Variants in RORA observed in about 807,000 individuals in gnomAD.
RORA encodes RAR related orphan receptor A.
RORA carries 7 observed loss-of-function variants against 69.5 expected under a neutral mutation model. The ratio of observed to expected loss-of-function variants is 0.10; its 90% CI spans 0.06 to 0.19. The LOEUF is 0.19. Ranked by LOEUF, RORA falls within the 10% of genes least tolerant of loss-of-function variation. The pLI is 1.00. For synonymous variants in RORA, 261 were observed against 240.8 expected (o/e 1.08, Z -0.78); for missense variants, 457 against 663.0 (o/e 0.69, Z 3.41).
rs75649823 is a variant in RORA at position 61,103,122 on chromosome 15, G to A, written c.166+125931C>T. On this transcript the variant is annotated intron_variant, in intron 1 of 10. Coordinates refer to ENST00000335670, the MANE Select transcript of RORA (RefSeq NM_134261.3). ...CTTATTTTAGGTGGGTAACTCAAGC[G>A]CAGTGTGCTCTGGAGTATGAGAGAA... 3.9e-3 allele frequency among the ~76,000 whole-genome samples: 591 copies of A among 152,236 alleles called. 5 individuals carry two copies. The highest frequency in any genetic ancestry group is 0.014 in the African/African-American group (575 of 41,544).
chr15:61,123,679 A>G (rs2079121121), intron 1 of RORA, among the ~76,000 whole-genome samples: 1 of 152,066 alleles, frequency 6.6e-6, no homozygotes, highest in South Asian at 2.1e-4. Flanking sequence ...GGGCACTGGG[A>G]TTTTTTAACT....
intron 1 of RORA, among the ~76,000 whole-genome samples, chr15:61,088,596 A>C (rs2078659147): frequency 6.6e-6 from 1 of 152,186 alleles, no homozygotes; most frequent in African/African-American, 2.4e-5. Context: ...ACCTCAAGTA[A>C]CTTGCCAAAT....
intron 1 of RORA, among the ~76,000 whole-genome samples, chr15:61,031,387 T>C (rs1896159994): frequency 6.6e-6 from 1 of 152,196 alleles, no homozygotes; most frequent in Non-Finnish European, 1.5e-5. Context: ...ATTTCTTTTC[T>C]ATTATATACC....
intron 1 of RORA, among the ~76,000 whole-genome samples, chr15:61,158,598 A>G (rs150744199): frequency 9.5e-4 from 144 of 152,278 alleles, no homozygotes; most frequent in African/African-American, 3.4e-3. Context: ...TAGATTCTTT[A>G]CAAGTGTCCA....
At chr15:60,691,258 C>G (rs1204804853) in intron 1 of RORA, among the ~76,000 whole-genome samples, 3 of 152,166 alleles carry the variant, frequency 2.0e-5, no homozygotes, top group Non-Finnish European at 4.4e-5. Flanking sequence ...CTCCCTGCCC[C>G]CCTCTCCATT....
intron 1 of RORA, among the ~76,000 whole-genome samples, chr15:61,223,314 CAAAAAAAAAAA>C (rs10685041): frequency 2.1e-5 from 2 of 96,242 alleles, no homozygotes; most frequent in East Asian, 3.2e-4. Context: ...GACTCTGTCT[CAAAAAAAAAAA>C]AAAAAAAAAA....
Position 61,120,494 on chromosome 15 carries a change from T to TCGAGACCACCCTGGCTAACA in RORA, c.166+108539_166+108558dup, listed in dbSNP as rs2079092505. Among the ~76,000 whole-genome samples, 4 of 151,800 alleles carry TCGAGACCACCCTGGCTAACA rather than the reference T, an allele frequency of 2.6e-5. No individual in the cohort carries two copies. The East Asian group carries it at 7.8e-4, about 30-fold the overall frequency. ...GCGGGCGGATCACAACTTCAGGAGA[T>TCGAGACCACCCTGGCTAACA]CGAGACCACCCTGGCTAACACGATG... On this transcript the variant is annotated intron_variant, in intron 1 of 10. Coordinates refer to ENST00000335670, the MANE Select transcript of RORA (RefSeq NM_134261.3).
At position 61,128,344 on chromosome 15, in the gene RORA, A is replaced by T. The variant is rs1474806037; in HGVS notation, c.166+100709T>A. ...TAAACTGCAAATACAGAAAGAAAAAAAAAATCTAAACAGTATATAAACTTA... is the reference window on the plus strand; with the variant it reads ...TAAACTGCAAATACAGAAAGAAAAATAAAATCTAAACAGTATATAAACTTA... On this transcript the variant is annotated intron_variant, in intron 1 of 10. Coordinates refer to ENST00000335670, the MANE Select transcript of RORA (RefSeq NM_134261.3). The surrounding 1 kb of genome is among the most constrained non-coding windows in gnomAD (Gnocchi z 4.5). Among the ~76,000 whole-genome samples, 2 of 152,212 alleles carry T rather than the reference A, an allele frequency of 1.3e-5. No homozygotes were observed. Among genetic ancestry groups the T allele is most frequent in the Non-Finnish European group, 2.9e-5 (2 of 68,032 alleles).
chr15:60,713,151 C>T (rs889989457), intron 1 of RORA, among the ~76,000 whole-genome samples: 6 of 152,084 alleles, frequency 3.9e-5, no homozygotes, highest in Non-Finnish European at 8.8e-5. Flanking sequence ...TAATCTTCTT[C>T]CAAAAGAAAA....
intron 2 of RORA, among the ~76,000 whole-genome samples, chr15:60,586,435 C>T (rs2068336413): frequency 6.6e-6 from 1 of 151,794 alleles, no homozygotes; most frequent in Non-Finnish European, 1.5e-5. Context: ...AGAGGGACAG[C>T]AGATATTACG....
intron 1 of RORA, among the ~76,000 whole-genome samples, chr15:60,860,654 G>A (rs1405222577): frequency 3.9e-5 from 6 of 152,270 alleles, no homozygotes; most frequent in East Asian, 1.9e-4. Flanking sequence ...AGCCTTATTC[G>A]CTAAATTCCC....
At chr15:60,632,245 A>G (rs1044835757) in intron 2 of RORA, among the ~76,000 whole-genome samples, 2 of 151,924 alleles carry the variant, frequency 1.3e-5, no homozygotes, top group Non-Finnish European at 2.9e-5. Flanking sequence ...AGCTGGGACT[A>G]CAGGAACCTG....
At chr15:61,048,691 C>T (rs981876139) in intron 1 of RORA, among the ~76,000 whole-genome samples, 3 of 152,156 alleles carry the variant, frequency 2.0e-5, no homozygotes, top group Non-Finnish European at 4.4e-5. Context: ...TCGAGTCCAA[C>T]AGGACCCATA....
intron 2 of RORA, among the ~76,000 whole-genome samples, chr15:60,542,709 C>A (rs946456835): frequency 6.7e-6 from 1 of 149,872 alleles, no homozygotes; most frequent in African/African-American, 2.5e-5. Context: ...CACGGGCACA[C>A]CTCCCACACA....
At chr15:61,138,158 A>AGGT (rs1267492077) in intron 1 of RORA, among the ~76,000 whole-genome samples, 3 of 152,190 alleles carry the variant, frequency 2.0e-5, no homozygotes, top group Non-Finnish European at 4.4e-5. Context: ...ATGAGAACAA[A>AGGT]GGTGGTAGTT....
chr15:60,735,910 C>T (rs2071491220), intron 1 of RORA, among the ~76,000 whole-genome samples: 1 of 152,226 alleles, frequency 6.6e-6, no homozygotes, highest in Admixed American at 6.5e-5. Flanking sequence ...ATTGACTTGA[C>T]TGGCCAAGCC....
At chr15:60,896,732 C>CT (rs66780614) in intron 1 of RORA, among the ~76,000 whole-genome samples, 4,334 of 117,046 alleles carry the variant, frequency 0.037, 121 homozygotes, top group East Asian at 0.079. Context: ...GAGAATTTAG[C>CT]TTTTTTTTTT....
In RORA at chr15:60,520,653, G is replaced by C. The variant is rs563246363; in HGVS notation, c.283-5896C>G. Among the ~76,000 whole-genome samples the C allele has an allele frequency of 1.4e-3, 212 of 152,208 alleles. 1 individual carries two copies. Among genetic ancestry groups the C allele is most frequent in the Middle Eastern group, 6.8e-3 (2 of 294 alleles). ...AGTGAGCTGAGAGATGAATTCCAGG[G>C]ATTGGAGGTCATACAGAGAGCAGGG... On this transcript the variant is annotated intron_variant, in intron 3 of 10. Transcript: ENST00000335670.
intron 2 of RORA, among the ~76,000 whole-genome samples, chr15:60,590,171 CTCTA>C (rs1184501009): frequency 4.5e-4 from 49 of 110,046 alleles, no homozygotes; most frequent in African/African-American, 1.7e-3. Flanking sequence ...CTCCCTCTTC[CTCTA>C]TCTCTCTCTC....
Sources: gnomAD v4.1 joint callset for allele counts (sites outside exome capture counted in the v4.1 genomes callset) on GRCh38, gnomAD v4.1.1 for gene constraint, Gnocchi (gnomAD v3.1) non-coding constraint, MANE v1.5 for transcripts, NCBI Gene and HGNC (gene_info 2026-07-23, HGNC 2026-07-21) for gene names.